Variants in DRC8 observed in about 807,000 individuals in gnomAD.
DRC8 encodes the protein dynein regulatory complex subunit 8, also known as dynein regulatory complex protein 8.
At chr1:244,988,052 G>T in the DRC8 span, among the ~76,000 whole-genome samples, 1 of 152,058 alleles carries the variant, frequency 6.6e-6, no homozygotes, top group African/African-American at 2.4e-5. Context: ...CTATGGTTTA[G>T]ATTTTAACTT....
the DRC8 span, among the ~76,000 whole-genome samples, chr1:245,039,185 C>T: frequency 2.0e-5 from 3 of 148,794 alleles, no homozygotes; most frequent in East Asian, 2.0e-4. Flanking sequence ...TATGTTTACA[C>T]AGTGAAATAC....
At chr1:245,091,531 G>A in the DRC8 span, 2 of 152,206 alleles carry the variant, frequency 1.3e-5, no homozygotes, top group African/African-American at 2.4e-5. Flanking sequence ...GGAAGCTTGC[G>A]TCGAGATTGC....
the DRC8 span, among the ~76,000 whole-genome samples, chr1:245,118,831 A>AAAAGAAAAGAAAAG: frequency 8.0e-6 from 1 of 125,094 alleles, no homozygotes; most frequent in Non-Finnish European, 1.7e-5. Flanking sequence ...AAAAGAAAAG[A>AAAAGAAAAGAAAAG]AAAGAAAAAA....
At chr1:245,086,390 T>G in the DRC8 span, among the ~76,000 whole-genome samples, 16 of 152,222 alleles carry the variant, frequency 1.1e-4, no homozygotes, top group Admixed American at 1.0e-3. Flanking sequence ...TTCTACAAAT[T>G]GTTTTTAAGT....
At chr1:244,982,925 C>T in the DRC8 span, among the ~76,000 whole-genome samples, 1 of 151,868 alleles carries the variant, frequency 6.6e-6, no homozygotes, top group Admixed American at 6.6e-5. Flanking sequence ...AAAAAATTAG[C>T]CAGGTGTGGT....
chr1:244,992,845 A>G, the DRC8 span, among the ~76,000 whole-genome samples: 2 of 152,252 alleles, frequency 1.3e-5, no homozygotes, highest in Non-Finnish European at 1.5e-5. Flanking sequence ...TCTAGCAGCT[A>G]AAACCCACAA....
the DRC8 span, among the ~76,000 whole-genome samples, chr1:245,047,636 A>G: frequency 1.7e-4 from 1 of 5,874 alleles, no homozygotes; most frequent in Non-Finnish European, 0.028. Flanking sequence ...CTCCATCTCC[A>G]AAAAAAAAAA....
At chr1:245,070,564 G>A in the DRC8 span, among the ~76,000 whole-genome samples, 1 of 152,178 alleles carries the variant, frequency 6.6e-6, no homozygotes, top group African/African-American at 2.4e-5. Context: ...GAAGGAGGTT[G>A]TACTTTAGAC....
At chr1:245,066,889 A>G in the DRC8 span, among the ~76,000 whole-genome samples, 1 of 152,146 alleles carries the variant, frequency 6.6e-6, no homozygotes, top group South Asian at 2.1e-4. Flanking sequence ...CCTGGGTGAC[A>G]GAGTGAGACT....
the DRC8 span, among the ~76,000 whole-genome samples, chr1:245,056,472 C>T: frequency 6.6e-6 from 1 of 152,198 alleles, no homozygotes; most frequent in East Asian, 1.9e-4. Flanking sequence ...GTTGCTGACA[C>T]AGCACAGTGG....
the DRC8 span, among the ~76,000 whole-genome samples, chr1:245,111,235 T>A: frequency 6.6e-6 from 1 of 152,164 alleles, no homozygotes; most frequent in Admixed American, 6.5e-5. Context: ...TTCACCCAGG[T>A]CTGCACTCGT....
At chr1:245,032,726 G>A in the DRC8 span, among the ~76,000 whole-genome samples, 7,798 of 152,256 alleles carry the variant, frequency 0.051, 678 homozygotes, top group African/African-American at 0.18. Context: ...GTGTTATTAG[G>A]AAATGAATCT....
chr1:245,066,181 A>G, the DRC8 span, among the ~76,000 whole-genome samples: 3 of 152,162 alleles, frequency 2.0e-5, no homozygotes, highest in African/African-American at 7.2e-5. Flanking sequence ...GATTATTTTA[A>G]CAAATGTTTC....
chr1:245,026,191 C>T, the DRC8 span, among the ~76,000 whole-genome samples: 2 of 152,108 alleles, frequency 1.3e-5, no homozygotes, highest in Non-Finnish European at 2.9e-5. Context: ...CAGTATAAGT[C>T]TCTGAGGCTC....
At chr1:245,013,152 C>CAAAT in the DRC8 span, among the ~76,000 whole-genome samples, 1 of 53,178 alleles carries the variant, frequency 1.9e-5, no homozygotes, top group Non-Finnish European at 3.7e-5. Flanking sequence ...AAACAAAGAA[C>CAAAT]AAACAAACAA....
the DRC8 span, among the ~76,000 whole-genome samples, chr1:245,076,725 A>ATTT: frequency 4.6e-4 from 68 of 149,192 alleles, no homozygotes; most frequent in South Asian, 8.5e-4. Context: ...TGTGAAATAC[A>ATTT]TTTTTTTTTT....
At chr1:244,997,733 C>T in the DRC8 span, among the ~76,000 whole-genome samples, 4 of 151,998 alleles carry the variant, frequency 2.6e-5, no homozygotes, top group East Asian at 1.9e-4. Context: ...TTAGTAGAAA[C>T]GAGGTTTCAC....
the DRC8 span, among the ~76,000 whole-genome samples, chr1:245,060,579 A>G: frequency 6.7e-6 from 1 of 149,844 alleles, no homozygotes; most frequent in Admixed American, 6.6e-5. Flanking sequence ...TCCTGAATTG[A>G]TGCTCACATT....
chr1:244,983,023 T>C, the DRC8 span, among the ~76,000 whole-genome samples: 1 of 151,864 alleles, frequency 6.6e-6, no homozygotes, highest in East Asian at 1.9e-4. Flanking sequence ...TGAGCTGATA[T>C]CGCGCCATTG....
Sources: allele counts gnomAD v4.1 joint callset (sites outside exome capture counted in the v4.1 genomes callset), GRCh38; gene constraint gnomAD v4.1.1; transcripts MANE v1.5; gene names NCBI Gene and HGNC (gene_info 2026-07-23, HGNC 2026-07-21).